KIF26B: variants seen among roughly 807,000 people sequenced by gnomAD.
KIF26B encodes kinesin-like protein KIF26B.
KIF26B carries 63 observed loss-of-function variants against 151.2 expected under a neutral mutation model. The ratio of observed to expected loss-of-function variants is 0.42; its 90% CI spans 0.34 to 0.51. KIF26B has a LOEUF of 0.51. KIF26B is among the 20% of genes least tolerant of loss of function. KIF26B has a pLI of 0.07. For synonymous variants in KIF26B, 1,357 were observed against 1,262.1 expected (o/e 1.08, Z -1.59); for missense variants, 2,813 against 2,913.6 (o/e 0.97, Z 0.79).
intron 2 of KIF26B, among the ~76,000 whole-genome samples, chr1:245,261,736 A>T (rs187725942): frequency 4.3e-4 from 66 of 151,758 alleles, no homozygotes; most frequent in East Asian, 2.7e-3. Context: ...GGCATGCGCC[A>T]CCATGCCTGG....
intron 2 of KIF26B, among the ~76,000 whole-genome samples, chr1:245,293,392 A>G (rs1671286437): frequency 6.6e-6 from 1 of 151,910 alleles, no homozygotes; most frequent in South Asian, 2.1e-4. Flanking sequence ...AGGTATGGGG[A>G]ACAAATGACC....
chr1:245,287,399 G>A (rs1053281296), intron 2 of KIF26B, among the ~76,000 whole-genome samples: 1 of 150,686 alleles, frequency 6.6e-6, no homozygotes, highest in Non-Finnish European at 1.5e-5. Flanking sequence ...TTTTTGTAAA[G>A]TATATAAATG....
chr1:245,656,928 A>G (rs1271523853), intron 10 of KIF26B, among the ~76,000 whole-genome samples: 1 of 152,182 alleles, frequency 6.6e-6, no homozygotes, highest in East Asian at 1.9e-4. Flanking sequence ...CAAATTGTCT[A>G]ATGTACCTAG....
At chr1:245,542,865 A>G (rs1056383114) in intron 5 of KIF26B, among the ~76,000 whole-genome samples, 4 of 152,220 alleles carry the variant, frequency 2.6e-5, no homozygotes, top group African/African-American at 9.7e-5. Context: ...TGCTCTGGAC[A>G]CAGTGAAATC....
At chr1:245,689,368 C>T (rs188107969) in intron 12 of KIF26B, among the ~76,000 whole-genome samples, 1 of 152,172 alleles carries the variant, frequency 6.6e-6, no homozygotes, top group Non-Finnish European at 1.5e-5. Context: ...CCCTGGCAGC[C>T]TCTCTCAGGG....
chr1:245,451,234 C>A (rs1363554146), intron 4 of KIF26B, among the ~76,000 whole-genome samples: 3 of 151,968 alleles, frequency 2.0e-5, no homozygotes, highest in African/African-American at 7.2e-5. Context: ...CCATAAATGT[C>A]CCACTGTTCA....
In KIF26B at chr1:245,599,638, C is replaced by T. The variant is rs75399808; in HGVS notation, c.1351-2939C>T. 4.0e-3 allele frequency among the ~76,000 whole-genome samples: 613 copies of T among 152,338 alleles called. 8 individuals carry two copies. Among genetic ancestry groups the T allele is most frequent in the African/African-American group, 0.014 (587 of 41,578 alleles). On this transcript the variant is annotated intron_variant, in intron 5 of 14. Coordinates refer to ENST00000407071, the MANE Select transcript of KIF26B (RefSeq NM_018012.4). ...TGTGGGCTCCATCAGCTCTGCCTGG[C>T]GTTGCATCATCCTTGACTTGCAATG...
At chr1:245,567,330 G>T (rs2043019615) in intron 5 of KIF26B, among the ~76,000 whole-genome samples, 1 of 152,212 alleles carries the variant, frequency 6.6e-6, no homozygotes, top group African/African-American at 2.4e-5. Context: ...TTCAGGAAAT[G>T]TTTCAAGCCT....
chr1:245,457,017 T>C (rs1659547935), intron 4 of KIF26B, among the ~76,000 whole-genome samples: 2 of 152,120 alleles, frequency 1.3e-5, no homozygotes, highest in Non-Finnish European at 1.5e-5. Flanking sequence ...AGCTGCATGC[T>C]ACCATGCCCA....
intron 4 of KIF26B, among the ~76,000 whole-genome samples, chr1:245,529,849 C>T (rs1308247344): frequency 3.3e-5 from 5 of 152,126 alleles, no homozygotes; most frequent in East Asian, 3.9e-4. Flanking sequence ...AAAAAGCTGC[C>T]GCACAGCACA....
At chr1:245,460,258 G>A (rs866405900) in intron 4 of KIF26B, among the ~76,000 whole-genome samples, 2 of 152,162 alleles carry the variant, frequency 1.3e-5, no homozygotes, top group Non-Finnish European at 2.9e-5. Flanking sequence ...GAGCCACCAC[G>A]CCTGGCCCAG....
rs368618255 is a variant in KIF26B at position 245,205,155 on chromosome 1, T to C, written c.465+48472T>C. Among the ~76,000 whole-genome samples, 5 of 152,184 alleles carry C rather than the reference T, an allele frequency of 3.3e-5. No individual in the cohort carries two copies. The East Asian group carries it at 7.7e-4, about 23-fold the overall frequency. On this transcript the variant is annotated intron_variant, in intron 2 of 14. Transcript: ENST00000407071. Reference sequence around the variant, plus strand: ...ATGGAGTCCATGTGTGTATTTTGCATCCTCTGTAAATATGGCCGTAGAGTA... The same window carrying C: ...ATGGAGTCCATGTGTGTATTTTGCACCCTCTGTAAATATGGCCGTAGAGTA...
chr1:245,157,936 G>A (rs1022618685), intron 2 of KIF26B, among the ~76,000 whole-genome samples: 2 of 152,302 alleles, frequency 1.3e-5, no homozygotes, highest in Middle Eastern at 3.4e-3. Context: ...ACTGTGTCAG[G>A]CACAGCAATG....
chr1:245,590,542 G>A (rs996175094), intron 5 of KIF26B, among the ~76,000 whole-genome samples: 1 of 152,180 alleles, frequency 6.6e-6, no homozygotes, highest in Non-Finnish European at 1.5e-5. Context: ...CACTTACCCA[G>A]TGTTTACCAA....
At chr1:245,491,537 C>T (rs960905236) in intron 4 of KIF26B, among the ~76,000 whole-genome samples, 4 of 152,126 alleles carry the variant, frequency 2.6e-5, no homozygotes, top group Non-Finnish European at 4.4e-5. Flanking sequence ...GTAGCCTGAG[C>T]GGGAAACACT....
chr1:245,440,668 T>A (rs482041), intron 4 of KIF26B, among the ~76,000 whole-genome samples: 1 of 152,182 alleles, frequency 6.6e-6, no homozygotes, highest in Admixed American at 6.5e-5. Context: ...CCACAGGACT[T>A]CTGTCCAATA....
rs184080552 is a variant in KIF26B, at chr1:245,321,761, G to A, written c.466-45073G>A. Among the ~76,000 whole-genome samples, 316 of 152,262 alleles carry A rather than the reference G, an allele frequency of 2.1e-3. 3 individuals carry two copies. Among genetic ancestry groups the A allele is most frequent in the African/African-American group, 6.9e-3 (288 of 41,544 alleles). On this transcript the variant is annotated intron_variant, in intron 2 of 14. Transcript: ENST00000407071. ...CGCAATTGGCCAGTGCTCTAAAACC[G>A]AGGCCTGGAAAGGACAGGCCATGCC...
chr1:245,590,911 AAAG>A (rs1353332440), intron 5 of KIF26B, among the ~76,000 whole-genome samples: 19 of 136,356 alleles, frequency 1.4e-4, no homozygotes, highest in East Asian at 1.2e-3. Flanking sequence ...GTCTCAAAAA[AAAG>A]AAAAAAAAAA....
At chr1:245,419,027 T>C (rs943263622) in intron 3 of KIF26B, among the ~76,000 whole-genome samples, 2 of 152,248 alleles carry the variant, frequency 1.3e-5, no homozygotes. Context: ...TAATTCATTG[T>C]GGCTATATTT....
Sources: gnomAD v4.1 joint callset for allele counts (sites outside exome capture counted in the v4.1 genomes callset) on GRCh38, gnomAD v4.1.1 for gene constraint, MANE v1.5 for transcripts, NCBI Gene and HGNC (gene_info 2026-07-23, HGNC 2026-07-21) for gene names.